Variants in CLEC16A observed in about 807,000 individuals in gnomAD.
The protein encoded by CLEC16A is protein CLEC16A.
CLEC16A carries 51 observed loss-of-function variants against 109.5 expected under a neutral mutation model. That is an observed-to-expected ratio of 0.47 (90% CI 0.37 to 0.59). The LOEUF is 0.59. CLEC16A is among the 20% of genes least tolerant of loss of function. The pLI, the probability that CLEC16A is intolerant of heterozygous loss-of-function variation, is 0.00. For missense variants in CLEC16A, 1,339 were observed against 1,394.0 expected (o/e 0.96, Z 0.63); for synonymous variants, 673 against 564.2 (o/e 1.19, Z -2.73).
chr16:11,140,973 C>A (rs1230502904), intron 22 of CLEC16A, among the ~76,000 whole-genome samples: 2 of 152,220 alleles, frequency 1.3e-5, no homozygotes, highest in Admixed American at 6.5e-5. Context: ...CAGCATTTTA[C>A]ATGTGAGTGC....
rs1329881750 is a variant in CLEC16A at position 11,060,892 on chromosome 16, G to T, written c.1996-10G>T. The stretch of plus-strand genomic sequence containing the variant: ...CTCACTCTTCTCTGCTCTCTGAACT[G>T]TTGGTCCAGGCCATCCGGGTGTTCT... On this transcript the variant is annotated splice_polypyrimidine_tract_variant and intron_variant, in intron 18 of 23. Transcript: ENST00000409790. 6.2e-7 allele frequency: 1 copy of T among 1,603,722 alleles called. No homozygotes were observed. Among genetic ancestry groups the T allele is most frequent in the Non-Finnish European group, 8.5e-7 (1 of 1,174,598 alleles).
At chr16:11,002,730 A>T (rs1031905259) in intron 10 of CLEC16A, among the ~76,000 whole-genome samples, 3 of 152,126 alleles carry the variant, frequency 2.0e-5, no homozygotes, top group Admixed American at 2.0e-4. Context: ...GCTCCTGCTT[A>T]TGAGAATATG....
chr16:11,163,487 TTTTG>T (rs3830375), intron 22 of CLEC16A, among the ~76,000 whole-genome samples: 105,232 of 151,216 alleles, frequency 0.7, 37,814 homozygotes, highest in African/African-American at 0.86. Context: ...TTGGTGATTT[TTTTG>T]TTTGTTTGTT....
intron 22 of CLEC16A, among the ~76,000 whole-genome samples, chr16:11,161,724 C>T (rs925313270): frequency 2.6e-5 from 4 of 152,208 alleles, no homozygotes; most frequent in African/African-American, 9.7e-5. Context: ...ATCTCTCTCC[C>T]GTTGCTGTCC....
At position 11,174,172 on chromosome 16, in the gene CLEC16A, G is replaced by T; in HGVS notation, c.2807-4163G>T. On this transcript the variant is annotated intron_variant, in intron 23 of 23. Coordinates refer to ENST00000409790, the MANE Select transcript of CLEC16A (RefSeq NM_015226.3). The surrounding 1 kb of genome is among the most constrained non-coding windows in gnomAD (Gnocchi z 4.7). Reference sequence around the variant, plus strand: ...CCTCTAGTCAGGAGTGGCAGGAAAGGACGCCGACGAGTGTTCAGCCTGTCG... The same window carrying T: ...CCTCTAGTCAGGAGTGGCAGGAAAGTACGCCGACGAGTGTTCAGCCTGTCG... 1 of 470,144 alleles carries T rather than the reference G, an allele frequency of 2.1e-6. No individual in the cohort carries two copies. The highest frequency in any genetic ancestry group is 4.4e-6 in the Non-Finnish European group (1 of 226,920). The allele number at this position is 470,144 out of a possible 1,614,324, so 29.1% of individuals were successfully genotyped here. A position where few individuals can be genotyped will look rare whatever the true frequency, so the allele number is the denominator to read the frequency against.
At chr16:11,095,317 G>A (rs948750643) in intron 19 of CLEC16A, among the ~76,000 whole-genome samples, 7 of 152,172 alleles carry the variant, frequency 4.6e-5, no homozygotes, top group African/African-American at 1.7e-4. Flanking sequence ...GGCTGGAAAG[G>A]CCCTCATAGC....
chr16:11,151,349 G>A (rs2054283527), intron 22 of CLEC16A, among the ~76,000 whole-genome samples: 1 of 152,226 alleles, frequency 6.6e-6, no homozygotes, highest in African/African-American at 2.4e-5. Context: ...AGAAAGCAGA[G>A]TAGGGGGATG....
At chr16:10,995,416 G>T (rs2044268468) in intron 10 of CLEC16A, among the ~76,000 whole-genome samples, 1 of 152,192 alleles carries the variant, frequency 6.6e-6, no homozygotes, top group South Asian at 2.1e-4. Context: ...GTTAGCCAGG[G>T]GCCCAGGAGC....
chr16:10,968,233 A>C (rs2146279258), intron 3 of CLEC16A, among the ~76,000 whole-genome samples: 1 of 152,364 alleles, frequency 6.6e-6, no homozygotes, highest in African/African-American at 2.4e-5. Flanking sequence ...ATCAAACTGC[A>C]GGCCATAGGC....
At chr16:10,945,317 A>G (rs1159444514) in intron 1 of CLEC16A, among the ~76,000 whole-genome samples, 1 of 152,224 alleles carries the variant, frequency 6.6e-6, no homozygotes, top group Non-Finnish European at 1.5e-5. Flanking sequence ...GAACACGTAC[A>G]ATTGCTCATT....
At chr16:11,126,527 A>C in intron 22 of CLEC16A, 1 of 730,448 alleles carries the variant, frequency 1.4e-6, no homozygotes, top group Non-Finnish European at 2.0e-6. Flanking sequence ...TCCGGTTACA[A>C]CCCCCTGAAG....
chr16:11,039,996 C>T, intron 14 of CLEC16A, 120 bp downstream of exon 14: 1 of 1,242,524 alleles, frequency 8.0e-7, no homozygotes, highest in Non-Finnish European at 1.1e-6. Flanking sequence ...CCCATCCCAA[C>T]CTCTCCCTCT....
At position 11,043,937 on chromosome 16, in the gene CLEC16A, A is replaced by G. The variant is rs2047490054; in HGVS notation, c.1771-91A>G. 4.2e-6 allele frequency: 4 copies of G among 961,388 alleles called. No homozygotes were observed. The South Asian group carries it at 5.1e-5, about 12-fold the overall frequency. 59.6% of individuals were successfully genotyped at this position (961,388 alleles called of 1,614,324 possible). A position where few individuals can be genotyped will look rare whatever the true frequency, so the allele number is the denominator to read the frequency against. On this transcript the variant is annotated intron_variant, in intron 15 of 23. Coordinates refer to ENST00000409790, the MANE Select transcript of CLEC16A (RefSeq NM_015226.3). The stretch of plus-strand genomic sequence containing the variant: ...AAGGATATTAGTCCAGATCTGTTTT[A>G]TACACACTCATGTTTTAGAATTCGT...
chr16:11,108,937 C>T (rs909914250), intron 19 of CLEC16A, among the ~76,000 whole-genome samples: 6 of 151,822 alleles, frequency 4.0e-5, no homozygotes, highest in East Asian at 2.0e-4. Context: ...GGTGAAACCC[C>T]ATCTCTACTA....
At position 10,954,234 on chromosome 16, in the gene CLEC16A, A is replaced by T. The variant is rs1210317427; in HGVS notation, c.81-3548A>T. On this transcript the variant is annotated intron_variant, in intron 1 of 23. Transcript: ENST00000409790. The surrounding 1 kb of genome is among the most constrained non-coding windows in gnomAD (Gnocchi z 4.2). ...GTGGGCGAGCTACTGAACGTCGCCAAACCTCACTTGCTGTCTTGTCCTGTG... is the reference window on the plus strand; with the variant it reads ...GTGGGCGAGCTACTGAACGTCGCCATACCTCACTTGCTGTCTTGTCCTGTG... Among the ~76,000 whole-genome samples, 1 of 152,200 alleles carries T rather than the reference A, an allele frequency of 6.6e-6. No individual in the cohort carries two copies. Among genetic ancestry groups the T allele is most frequent in the East Asian group, 1.9e-4 (1 of 5,202 alleles).
chr16:11,020,254 G>C lies in CLEC16A; in HGVS notation c.1365G>C (p.Val455=). 6.2e-7 allele frequency: 1 copy of C among 1,613,908 alleles called. No homozygotes were observed. The highest frequency in any genetic ancestry group is 8.5e-7 in the Non-Finnish European group (1 of 1,179,854). Residue 455 remains valine (V), a synonymous_variant, in exon 12 of 24, where the codon GTG becomes GTC. Coordinates refer to ENST00000409790, the MANE Select transcript of CLEC16A (RefSeq NM_015226.3). The part of the protein sequence containing the change: ...KLSELAASTS[V]QEQNTTDEEK... ...CAGAGCTGGCCGCCAGCACCTCCGTGCAGGAGCAGAACACCACGGACGAGG... is the reference window on the plus strand; with the variant it reads ...CAGAGCTGGCCGCCAGCACCTCCGTCCAGGAGCAGAACACCACGGACGAGG...
rs1391576634 is a variant in CLEC16A, at chr16:10,954,128, C to T, written c.81-3654C>T. ...CTGCATACCCAGCAGATGGCGCCAC[C>T]GACCAGGGCAAAGAACACCAAGTAT... On this transcript the variant is annotated intron_variant, in intron 1 of 23. Transcript: ENST00000409790. The surrounding 1 kb of genome is among the most constrained non-coding windows in gnomAD (Gnocchi z 4.2). Among the ~76,000 whole-genome samples the T allele has an allele frequency of 6.6e-6, 1 of 152,188 alleles. No individual in the cohort carries two copies. Among genetic ancestry groups the T allele is most frequent in the East Asian group, 1.9e-4 (1 of 5,194 alleles).
intron 3 of CLEC16A, 50 bp downstream of exon 3, chr16:10,962,638 G>A (rs758628004): frequency 1.4e-5 from 23 of 1,594,732 alleles, no homozygotes; most frequent in Middle Eastern, 3.4e-4. Flanking sequence ...CATGTAGCAG[G>A]GTGAAGTTGG....
chr16:11,060,989 G>A lies in CLEC16A; in HGVS notation c.2083G>A (p.Asp695Asn), dbSNP rs1183715710. ...ACAGTTGCCGCTGACTCGGGAGGAG[G>A]ACCTGATCAAGACTGATGATGTCCT... ...ETQLPLTREE[D>N]LIKTDDVLDL... The change falls in exon 19 of 24, where the codon GAC becomes AAC. Residue 695 changes from aspartate to asparagine, a missense_variant. This residue lies in a region of CLEC16A where 1,061 missense variants were observed against 1,006.8 expected (regional missense o/e 1.05). Transcript: ENST00000409790. 2 of 1,611,894 alleles carry A rather than the reference G, an allele frequency of 1.2e-6. No individual in the cohort carries two copies. The highest frequency in any genetic ancestry group is 1.7e-6 in the Non-Finnish European group (2 of 1,179,450).
Sources: gnomAD v4.1 joint callset for allele counts (sites outside exome capture counted in the v4.1 genomes callset) on GRCh38, gnomAD v4.1.1 for gene constraint, gnomAD v4.1.1 regional missense constraint, Gnocchi (gnomAD v3.1) non-coding constraint, MANE v1.5 for transcripts, NCBI Gene and HGNC (gene_info 2026-07-23, HGNC 2026-07-21) for gene names.